The following COL24A1 variants were observed in gnomAD, a reference collection of about 807,000 sequenced individuals.
The protein encoded by COL24A1 is collagen alpha-1(XXIV) chain.
COL24A1 carries 224 observed loss-of-function variants against 253.9 expected under a neutral mutation model. The ratio of observed to expected loss-of-function variants is 0.88; its 90% CI spans 0.79 to 0.99. The LOEUF is 0.99. Ranked by LOEUF, COL24A1 falls within the 50% of genes least tolerant of loss-of-function variation. The probability of loss-of-function intolerance (pLI) is 0.00; values close to 1 mark genes in which losing one functional copy is unlikely to be tolerated. For synonymous variants in COL24A1, 685 were observed against 673.7 expected (o/e 1.02, Z -0.26); for missense variants, 2,131 against 2,068.5 (o/e 1.03, Z -0.59).
chr1:86,008,163 A>T (rs1317113812), intron 19 of COL24A1, among the ~76,000 whole-genome samples: 3 of 152,236 alleles, frequency 2.0e-5, no homozygotes, highest in African/African-American at 7.2e-5. Flanking sequence ...ACATGTAGGA[A>T]ATATAAAACC....
At chr1:85,889,645 A>T (rs1354893854) in intron 31 of COL24A1, 32 bp from the exon 32 acceptor site, 1 of 1,595,222 alleles carries the variant, frequency 6.3e-7, no homozygotes, top group South Asian at 1.1e-5. Flanking sequence ...TTGTAGGAAA[A>T]GTGGTGTGTG....
intron 24 of COL24A1, among the ~76,000 whole-genome samples, chr1:85,924,992 A>G (rs1050360166): frequency 1.3e-5 from 2 of 152,350 alleles, no homozygotes; most frequent in Middle Eastern, 3.4e-3. Flanking sequence ...TACAAAATCA[A>G]TGTGCAAATA....
At chr1:85,912,200 C>T (rs530015704) in intron 24 of COL24A1, among the ~76,000 whole-genome samples, 5 of 152,148 alleles carry the variant, frequency 3.3e-5, no homozygotes, top group Admixed American at 6.5e-5. Flanking sequence ...GAGTAAATAG[C>T]TTGAGTAAGG....
In COL24A1 at chr1:86,124,168, G is replaced by A. The variant is rs555392831; in HGVS notation, c.1491+677C>T. On this transcript the variant is annotated intron_variant, in intron 3 of 59. Coordinates refer to ENST00000370571, the MANE Select transcript of COL24A1 (RefSeq NM_152890.7). The stretch of plus-strand genomic sequence containing the variant: ...AACAAAAGAAATTCAGGGCTGAAAA[G>A]TTCAGTTTATTATCTCACAGTTTTG... Among the ~76,000 whole-genome samples the A allele has an allele frequency of 1.4e-3, 212 of 152,008 alleles. 4 individuals carry two copies. Among genetic ancestry groups the A allele is most frequent in the Admixed American group, 0.014 (210 of 15,232 alleles).
At chr1:86,007,768 A>C (rs1186950398) in intron 19 of COL24A1, among the ~76,000 whole-genome samples, 1 of 152,232 alleles carries the variant, frequency 6.6e-6, no homozygotes, top group Non-Finnish European at 1.5e-5. Context: ...AAAATTATGA[A>C]GACAGTAAAA....
At chr1:85,832,860 T>A (rs1310086318) in intron 43 of COL24A1, among the ~76,000 whole-genome samples, 1 of 150,974 alleles carries the variant, frequency 6.6e-6, no homozygotes, top group South Asian at 2.1e-4. Flanking sequence ...TATACAATCA[T>A]GTCATCTGCA....
At chr1:86,055,281 C>T (rs940891537) in intron 10 of COL24A1, among the ~76,000 whole-genome samples, 1 of 152,106 alleles carries the variant, frequency 6.6e-6, no homozygotes, top group Non-Finnish European at 1.5e-5. Context: ...CACATATACC[C>T]CTAAATTTCA....
chr1:86,059,006 T>A, intron 9 of COL24A1, 115 bp downstream of exon 9: 1 of 608,840 alleles, frequency 1.6e-6, no homozygotes, highest in Admixed American at 3.8e-5. Flanking sequence ...TATTTCTCTA[T>A]GAGTTATTCA....
chr1:85,963,110 G>A (rs762876910), intron 23 of COL24A1, among the ~76,000 whole-genome samples: 3 of 151,992 alleles, frequency 2.0e-5, no homozygotes, highest in Non-Finnish European at 2.9e-5. Context: ...CATATTTGCA[G>A]TTCATGTTGC....
intron 39 of COL24A1, among the ~76,000 whole-genome samples, chr1:85,846,199 G>C (rs1677122362): frequency 6.6e-6 from 1 of 151,662 alleles, no homozygotes; most frequent in Non-Finnish European, 1.5e-5. Context: ...AATAAACTTA[G>C]TCTTCTACAC....
chr1:85,829,568 C>A (rs532608176), intron 43 of COL24A1, among the ~76,000 whole-genome samples: 2 of 152,008 alleles, frequency 1.3e-5, no homozygotes, highest in East Asian at 3.9e-4. Context: ...ACCAATCAGA[C>A]GTAGATTTGG....
chr1:85,778,719 C>T (rs1668854616), intron 52 of COL24A1, among the ~76,000 whole-genome samples: 1 of 151,506 alleles, frequency 6.6e-6, no homozygotes, highest in Non-Finnish European at 1.5e-5. Flanking sequence ...ATTCTCCTGC[C>T]TCAGCCTCCC....
chr1:86,063,683 C>G, intron 8 of COL24A1, 32 bp downstream of exon 8: 1 of 1,464,868 alleles, frequency 6.8e-7, no homozygotes, highest in Non-Finnish European at 9.1e-7. Context: ...CTTTTTCACA[C>G]ATGATACAAG....
chr1:85,920,784 T>G (rs1444430810), intron 24 of COL24A1, among the ~76,000 whole-genome samples: 1 of 152,044 alleles, frequency 6.6e-6, no homozygotes, highest in Non-Finnish European at 1.5e-5. Flanking sequence ...CAGTTGTGCT[T>G]GTAAAGAATC....
chr1:85,805,056 G>T (rs1041366924), intron 47 of COL24A1, among the ~76,000 whole-genome samples: 1 of 152,116 alleles, frequency 6.6e-6, no homozygotes, highest in Non-Finnish European at 1.5e-5. Context: ...GCCCAGGTTG[G>T]TGTTGAAGTC....
intron 31 of COL24A1, among the ~76,000 whole-genome samples, chr1:85,893,085 C>T (rs1217016330): frequency 1.3e-5 from 2 of 151,912 alleles, no homozygotes; most frequent in Non-Finnish European, 2.9e-5. Context: ...ATGAATAAAA[C>T]ACAAGGTCCA....
intron 19 of COL24A1, among the ~76,000 whole-genome samples, chr1:86,006,364 C>T (rs779364140): frequency 1.3e-5 from 2 of 152,152 alleles, no homozygotes; most frequent in Non-Finnish European, 2.9e-5. Flanking sequence ...CACATAAATA[C>T]AGTCACCTGA....
At chr1:85,771,244 C>T (rs926935097) in intron 53 of COL24A1, among the ~76,000 whole-genome samples, 1 of 151,856 alleles carries the variant, frequency 6.6e-6, no homozygotes, top group Non-Finnish European at 1.5e-5. Context: ...TAATGTTATC[C>T]CTCACCTAGC....
intron 24 of COL24A1, among the ~76,000 whole-genome samples, chr1:85,943,430 T>C (rs890809065): frequency 2.6e-5 from 4 of 152,214 alleles, no homozygotes; most frequent in African/African-American, 9.7e-5. Flanking sequence ...TGAAGAATCC[T>C]GACTAACACA....
Sources: gnomAD v4.1 joint callset for allele counts (sites outside exome capture counted in the v4.1 genomes callset) on GRCh38, gnomAD v4.1.1 for gene constraint, MANE v1.5 for transcripts, NCBI Gene and HGNC (gene_info 2026-07-23, HGNC 2026-07-21) for gene names.